Variants in DPH5 observed in about 807,000 individuals in gnomAD.
DPH5 encodes the protein diphthamide biosynthesis 5, also known as diphthine methyl ester synthase.
A neutral mutation model predicts 31.6 loss-of-function variants in DPH5; 31 were observed. That is an observed-to-expected ratio of 0.98 (90% CI 0.74 to 1.32). The LOEUF (loss-of-function observed/expected upper bound fraction) is 1.32. Among genes scored for constraint, DPH5 ranks in the 40% most tolerant of loss-of-function variants. The pLI is 0.00. For missense variants in DPH5, 309 were observed against 335.7 expected, an observed-to-expected ratio of 0.92 and a Z score of 0.62; for synonymous variants, 120 against 115.0, an observed-to-expected ratio of 1.04 and a Z score of -0.28.
At chr1:100,992,086 AGAC>A (rs2101134097) in intron 7 of DPH5, among the ~76,000 whole-genome samples, 1 of 151,632 alleles carries the variant, frequency 6.6e-6, no homozygotes, top group East Asian at 1.9e-4. Flanking sequence ...TGACAAAGTG[AGAC>A]CCTCTCTCAA....
rs1231310925 is a variant in DPH5, at chr1:100,990,377, A to G, written c.*31T>C. The stretch of plus-strand genomic sequence containing the variant: ...CCATATCAATCCATATATGGCTGAA[A>G]TTTACATCAGACAATGGTAAATATC... On this transcript the variant is annotated 3_prime_UTR_variant, in exon 8 of 8. Coordinates refer to ENST00000370109, the MANE Select transcript of DPH5 (RefSeq NM_015958.3). 1 of 1,604,694 alleles carries G rather than the reference A, an allele frequency of 6.2e-7. No individual in the cohort carries two copies. The highest frequency in any genetic ancestry group is 1.1e-5 in the South Asian group (1 of 90,868).
chr1:101,013,474 A>G (rs1659843570), intron 4 of DPH5, among the ~76,000 whole-genome samples: 5 of 152,186 alleles, frequency 3.3e-5, no homozygotes, highest in Admixed American at 2.0e-4. Context: ...TACAAGTTGG[A>G]TTTAAGGTTA....
rs1658227973 is a variant in DPH5, at chr1:100,995,117, G to C, written c.523C>G (p.Leu175Val). The change falls in exon 6 of 8, where the codon CTA becomes GTA. Residue 175 changes from leucine to valine, a missense_variant. Leu to Val is a conservative substitution (Grantham distance 32). Transcript: ENST00000370109. Reference sequence around the variant, plus strand: ...CTCAGAATAATAACTTACTTGATTAGATTTTCCAAAGACTGCTCCTTTACT... The same window carrying C: ...CTCAGAATAATAACTTACTTGATTACATTTTCCAAAGACTGCTCCTTTACT... ...IKVKEQSLENLIKGRKIYEPP... is the reference protein window; with the variant it reads ...IKVKEQSLENVIKGRKIYEPP... The C allele has an allele frequency of 6.3e-7, 1 of 1,576,306 alleles. No individual in the cohort carries two copies. The highest frequency in any genetic ancestry group is 8.7e-7 in the Non-Finnish European group (1 of 1,146,960).
At chr1:101,011,203 A>G (rs1269329336) in intron 4 of DPH5, among the ~76,000 whole-genome samples, 1 of 152,106 alleles carries the variant, frequency 6.6e-6, no homozygotes, top group Non-Finnish European at 1.5e-5. Context: ...TAAGTGTGTC[A>G]TGCATATGAT....
At chr1:101,001,319 C>G in intron 5 of DPH5, 148 bp downstream of exon 5, 1 of 667,320 alleles carries the variant, frequency 1.5e-6, no homozygotes, top group South Asian at 2.5e-5. Context: ...TCTCTAAGAG[C>G]ATGGGAAAGA....
chr1:101,001,626 C>T, intron 4 of DPH5, 39 bp from the exon 5 acceptor site: 1 of 1,412,672 alleles, frequency 7.1e-7, no homozygotes, highest in Non-Finnish European at 9.8e-7. Context: ...GAACAATTAA[C>T]TACTATTTCA....
chr1:101,006,528 A>G (rs1195270903), intron 4 of DPH5, among the ~76,000 whole-genome samples: 1 of 152,156 alleles, frequency 6.6e-6, no homozygotes, highest in Non-Finnish European at 1.5e-5. Context: ...ATTTTCTTCT[A>G]AGACCACGGA....
chr1:100,991,362 G>A (rs889130685), intron 7 of DPH5, among the ~76,000 whole-genome samples: 6 of 152,146 alleles, frequency 3.9e-5, no homozygotes, highest in African/African-American at 1.4e-4. Context: ...GGGGGCAAAT[G>A]GTTTATCCAA....
chr1:101,010,016 G>A (rs1424671680), intron 4 of DPH5, among the ~76,000 whole-genome samples: 1 of 152,152 alleles, frequency 6.6e-6, no homozygotes, highest in African/African-American at 2.4e-5. Flanking sequence ...TAGTGACTTA[G>A]TCACTCTCTA....
chr1:101,018,356 G>T (rs1660225056), intron 3 of DPH5, among the ~76,000 whole-genome samples: 1 of 151,386 alleles, frequency 6.6e-6, no homozygotes, highest in South Asian at 2.1e-4. Flanking sequence ...TCCTGCCTCA[G>T]CCTCCTGAGT....
chr1:101,022,892 A>C (rs1346868443), intron 2 of DPH5: 1 of 152,176 alleles, frequency 6.6e-6, no homozygotes, highest in Non-Finnish European at 1.5e-5. Flanking sequence ...TACAGTGTAG[A>C]GGTCAAGAGT....
In DPH5 at chr1:100,990,378, T is replaced by C. The variant is rs760363811; in HGVS notation, c.*30A>G. The C allele has an allele frequency of 6.2e-7, 1 of 1,605,352 alleles. No homozygotes were observed. Among genetic ancestry groups the C allele is most frequent in the South Asian group, 1.1e-5 (1 of 90,852 alleles). ...CATATCAATCCATATATGGCTGAAA[T>C]TTACATCAGACAATGGTAAATATCT... On this transcript the variant is annotated 3_prime_UTR_variant, in exon 8 of 8. Coordinates refer to ENST00000370109, the MANE Select transcript of DPH5 (RefSeq NM_015958.3).
chr1:101,012,476 C>T (rs1179562865), intron 4 of DPH5, among the ~76,000 whole-genome samples: 1 of 152,182 alleles, frequency 6.6e-6, no homozygotes, highest in Non-Finnish European at 1.5e-5. Flanking sequence ...GTTTTAGCTC[C>T]ATCTACCTAC....
intron 4 of DPH5, among the ~76,000 whole-genome samples, chr1:101,004,484 A>G (rs974329164): frequency 1.3e-5 from 2 of 152,228 alleles, no homozygotes; most frequent in Non-Finnish European, 2.9e-5. Context: ...TGTAAGAAAC[A>G]GTAGGTAAAC....
chr1:100,997,323 C>G (rs1339239635), intron 5 of DPH5, among the ~76,000 whole-genome samples: 2 of 152,176 alleles, frequency 1.3e-5, no homozygotes, highest in African/African-American at 4.8e-5. Flanking sequence ...ATCTGCCTTT[C>G]CAAAGCTTCT....
At chr1:101,013,671 T>C (rs1273840819) in intron 4 of DPH5, 39 bp downstream of exon 4, 1 of 1,325,218 alleles carries the variant, frequency 7.5e-7, no homozygotes, top group Non-Finnish European at 1.1e-6. Context: ...TAAAACATTT[T>C]TATTTAATTC....
chr1:101,021,849 CACACA>C, intron 2 of DPH5, 84 bp from the exon 3 acceptor site: 2 of 1,319,426 alleles, frequency 1.5e-6, no homozygotes, highest in Non-Finnish European at 2.1e-6. Flanking sequence ...CACACACACA[CACACA>C]CACACTCTTT....
intron 3 of DPH5, among the ~76,000 whole-genome samples, chr1:101,016,048 T>C (rs1660051718): frequency 6.6e-6 from 1 of 152,210 alleles, no homozygotes; most frequent in Non-Finnish European, 1.5e-5. Context: ...GAGTAGCACT[T>C]TTAATTTCCA....
chr1:100,995,202 C>T (rs1161672603), intron 5 of DPH5, 53 bp from the exon 6 acceptor site: 1 of 1,310,556 alleles, frequency 7.6e-7, no homozygotes, highest in Non-Finnish European at 1.1e-6. Context: ...TTATCCAAAA[C>T]CCTATGTGTA....
Sources: gnomAD v4.1 joint callset for allele counts (sites outside exome capture counted in the v4.1 genomes callset) on GRCh38, gnomAD v4.1.1 for gene constraint, MANE v1.5 for transcripts, NCBI Gene and HGNC (gene_info 2026-07-23, HGNC 2026-07-21) for gene names.